The following JAKMIP2 variants were observed in gnomAD, a reference collection of about 807,000 sequenced individuals.
JAKMIP2 encodes janus kinase and microtubule-interacting protein 2.
A neutral mutation model predicts 115.0 loss-of-function variants in JAKMIP2; 25 were observed. The ratio of observed to expected loss-of-function variants is 0.22; its 90% CI spans 0.16 to 0.30. JAKMIP2 has a LOEUF of 0.30. Among genes scored for constraint, JAKMIP2 ranks in the 10% least tolerant of loss-of-function variants. The probability of loss-of-function intolerance (pLI) is 1.00; values close to 1 mark genes in which losing one functional copy is unlikely to be tolerated. For missense variants in JAKMIP2, 642 were observed against 957.6 expected (o/e 0.67, Z 4.35); for synonymous variants, 334 against 343.6 (o/e 0.97, Z 0.31).
chr5:147,650,626 T>C, intron 3 of JAKMIP2, 79 bp from the exon 4 acceptor site: 1 of 1,075,972 alleles, frequency 9.3e-7, no homozygotes, highest in African/African-American at 1.6e-5. Flanking sequence ...TAGGTTTAAC[T>C]TCTTTTATCT....
intron 1 of JAKMIP2, among the ~76,000 whole-genome samples, chr5:147,781,913 A>T (rs1308451247): frequency 6.6e-6 from 1 of 152,202 alleles, no homozygotes; most frequent in Non-Finnish European, 1.5e-5. Flanking sequence ...CTACGTATAA[A>T]ATAAAACTGG....
chr5:147,617,323 C>A (rs938001230), intron 19 of JAKMIP2, among the ~76,000 whole-genome samples: 2 of 152,098 alleles, frequency 1.3e-5, no homozygotes, highest in Non-Finnish European at 2.9e-5. Context: ...GCATTCTTAT[C>A]TACAGTATTG....
At chr5:147,765,344 G>A (rs1336170601) in intron 1 of JAKMIP2, among the ~76,000 whole-genome samples, 1 of 151,974 alleles carries the variant, frequency 6.6e-6, no homozygotes, top group Non-Finnish European at 1.5e-5. Flanking sequence ...TCCAACTGAT[G>A]GTGATGATGT....
chr5:147,650,404 G>T lies in JAKMIP2; in HGVS notation c.771C>A (p.Asn257Lys). ...GAATTTCTCGTTTTGGGCTGCTCAT[G>T]TTGCACTCAGCCTCCTTGACCAGAA... ...QLFLVKEAECNMSSPKREIPG... is the reference protein window; with the variant it reads ...QLFLVKEAECKMSSPKREIPG... Residue 257 changes from asparagine to lysine, a missense_variant, in exon 4 of 22, where the codon AAC becomes AAA. Transcript: ENST00000616793. 6.2e-7 allele frequency: 1 copy of T among 1,613,868 alleles called. No homozygotes were observed. The highest frequency in any genetic ancestry group is 8.5e-7 in the Non-Finnish European group (1 of 1,179,826).
chr5:147,739,158 G>A (rs932784720), intron 1 of JAKMIP2, among the ~76,000 whole-genome samples: 3 of 152,080 alleles, frequency 2.0e-5, no homozygotes, highest in African/African-American at 7.2e-5. Context: ...CTTAATATGG[G>A]TCTCCCAGAA....
chr5:147,638,246 T>G (rs1757715829), intron 10 of JAKMIP2, among the ~76,000 whole-genome samples: 1 of 152,182 alleles, frequency 6.6e-6, no homozygotes, highest in Non-Finnish European at 1.5e-5. Flanking sequence ...TTTCTAAGAA[T>G]GGTAAGTTTT....
chr5:147,710,308 T>C (rs149648289), intron 1 of JAKMIP2, among the ~76,000 whole-genome samples: 52 of 152,326 alleles, frequency 3.4e-4, no homozygotes, highest in African/African-American at 1.2e-3. Flanking sequence ...TATTGTGATA[T>C]ATGGATTCTG....
intron 1 of JAKMIP2, among the ~76,000 whole-genome samples, chr5:147,767,155 G>T (rs1451451351): frequency 6.6e-6 from 1 of 152,104 alleles, no homozygotes; most frequent in Non-Finnish European, 1.5e-5. Flanking sequence ...TGACCTGTTG[G>T]CTAAACTGAA....
At chr5:147,643,428 A>G (rs1757975103) in intron 7 of JAKMIP2, among the ~76,000 whole-genome samples, 1 of 152,174 alleles carries the variant, frequency 6.6e-6, no homozygotes, top group Non-Finnish European at 1.5e-5. Flanking sequence ...CACAGAACAC[A>G]GATGGAGAGG....
chr5:147,626,851 T>C (rs1026027059), intron 16 of JAKMIP2, among the ~76,000 whole-genome samples: 1 of 152,186 alleles, frequency 6.6e-6, no homozygotes, highest in African/African-American at 2.4e-5. Context: ...CAGGCGATTT[T>C]TTCTTGCAGT....
chr5:147,696,093 G>T (rs1752095704), intron 1 of JAKMIP2, among the ~76,000 whole-genome samples: 1 of 152,084 alleles, frequency 6.6e-6, no homozygotes, highest in Non-Finnish European at 1.5e-5. Context: ...ATGGAGGTTG[G>T]ACAAAATTTA....
At chr5:147,706,364 G>A (rs1244925222) in intron 1 of JAKMIP2, among the ~76,000 whole-genome samples, 2 of 152,114 alleles carry the variant, frequency 1.3e-5, no homozygotes, top group Non-Finnish European at 2.9e-5. Context: ...GGCTGGCAAG[G>A]AAGAGGCATG....
At chr5:147,616,850 C>T (rs1212510168) in intron 19 of JAKMIP2, among the ~76,000 whole-genome samples, 1 of 152,186 alleles carries the variant, frequency 6.6e-6, no homozygotes, top group Admixed American at 6.5e-5. Context: ...AAGCTCCTGC[C>T]TGCATCTGAA....
At chr5:147,660,842 T>A in intron 3 of JAKMIP2, 106 bp downstream of exon 3, 1 of 1,306,870 alleles carries the variant, frequency 7.7e-7, no homozygotes, top group Non-Finnish European at 1.1e-6. Context: ...GTAGGCACTG[T>A]TTACAATCCA....
chr5:147,685,950 C>A (rs930574611), intron 1 of JAKMIP2, among the ~76,000 whole-genome samples: 1 of 151,886 alleles, frequency 6.6e-6, no homozygotes, highest in African/African-American at 2.4e-5. Flanking sequence ...TGGTGGGAAG[C>A]AAAACACAGA....
chr5:147,771,747 T>C (rs1378760192), intron 1 of JAKMIP2, among the ~76,000 whole-genome samples: 1 of 152,100 alleles, frequency 6.6e-6, no homozygotes, highest in African/African-American at 2.4e-5. Context: ...GTTACATGCA[T>C]TAATATTCCA....
intron 1 of JAKMIP2, among the ~76,000 whole-genome samples, chr5:147,734,352 G>C (rs1753840911): frequency 6.6e-6 from 1 of 152,066 alleles, no homozygotes; most frequent in Non-Finnish European, 1.5e-5. Flanking sequence ...GTCCTTCCCA[G>C]GGACATGGAT....
At chr5:147,719,195 G>T (rs1435057380) in intron 1 of JAKMIP2, among the ~76,000 whole-genome samples, 1 of 131,246 alleles carries the variant, frequency 7.6e-6, no homozygotes, top group Admixed American at 7.8e-5. Flanking sequence ...TAGTTTGATT[G>T]CACTGTGGTC....
rs1473489906 is a variant in JAKMIP2 at position 147,590,776 on chromosome 5, T to C, written c.*931A>G. On this transcript the variant is annotated 3_prime_UTR_variant, in exon 22 of 22. Transcript: ENST00000616793. ...CCCATGTTCCCTATAGATGTTGGCG[T>C]TCTAAACAGAACTAAGTCAGGGAGC... 1.3e-5 allele frequency: 2 copies of C among 152,202 alleles called. No individual in the cohort carries two copies. The highest frequency in any genetic ancestry group is 2.4e-5 in the African/African-American group (1 of 41,458). The allele number at this position is 152,202 out of a possible 1,614,324, so 9.4% of individuals were successfully genotyped here. A position where few individuals can be genotyped will look rare whatever the true frequency, so the allele number is the denominator to read the frequency against.
Sources: gnomAD v4.1 joint callset for allele counts (sites outside exome capture counted in the v4.1 genomes callset) on GRCh38, gnomAD v4.1.1 for gene constraint, MANE v1.5 for transcripts, NCBI Gene and HGNC (gene_info 2026-07-23, HGNC 2026-07-21) for gene names.